The following GRK3 variants were observed in gnomAD, a reference collection of about 807,000 sequenced individuals.
GRK3 encodes G protein-coupled receptor kinase 3.
GRK3 carries 54 observed loss-of-function variants against 95.7 expected under a neutral mutation model. That is an observed-to-expected ratio of 0.56 (90% CI 0.45 to 0.71). GRK3 has a LOEUF of 0.71. Ranked by LOEUF, GRK3 falls within the 30% of genes least tolerant of loss-of-function variation. The pLI is 0.00. For missense variants in GRK3, 649 were observed against 851.2 expected (o/e 0.76, Z 2.96); for synonymous variants, 281 against 290.8 (o/e 0.97, Z 0.34).
At chr22:25,621,834 A>G (rs2084588254) in intron 2 of GRK3, among the ~76,000 whole-genome samples, 2 of 152,158 alleles carry the variant, frequency 1.3e-5, no homozygotes. Context: ...CAGACCTGTT[A>G]GAAAGTGACA....
intron 1 of GRK3, among the ~76,000 whole-genome samples, chr22:25,588,536 A>G (rs1369220426): frequency 4.6e-5 from 7 of 152,328 alleles, no homozygotes; most frequent in South Asian, 2.1e-4. Context: ...GGTGGAGTTT[A>G]GTGGTTTTAA....
At position 25,725,543 on chromosome 22, in the gene GRK3, T is replaced by A. The variant is rs114800857; in HGVS notation, c.*3093T>A. 9.4e-4 allele frequency: 376 copies of A among 398,604 alleles called. 2 individuals carry two copies. Among genetic ancestry groups the A allele is most frequent in the African/African-American group, 7.2e-3 (353 of 48,744 alleles). 24.7% of individuals were successfully genotyped at this position (398,604 alleles called of 1,614,324 possible). A position where few individuals can be genotyped will look rare whatever the true frequency, so the allele number is the denominator to read the frequency against. Reference sequence around the variant, plus strand: ...CTTCTTTGTCATATTTAAGTATGATTTTTCAACAAAACTTCTAGAAGTCAG... The same window carrying A: ...CTTCTTTGTCATATTTAAGTATGATATTTCAACAAAACTTCTAGAAGTCAG... On this transcript the variant is annotated 3_prime_UTR_variant, in exon 21 of 21. Transcript: ENST00000324198.
intron 10 of GRK3, 93 bp from the exon 11 acceptor site, chr22:25,687,443 CT>C (rs2085124743): frequency 2.2e-6 from 3 of 1,369,856 alleles, no homozygotes; most frequent in East Asian, 2.4e-5. Flanking sequence ...CATAGTTTCC[CT>C]TTTTCTGCTG....
chr22:25,616,993 G>T (rs922847744), intron 2 of GRK3, among the ~76,000 whole-genome samples: 9 of 152,172 alleles, frequency 5.9e-5, no homozygotes, highest in African/African-American at 2.2e-4. Context: ...TTTGCTAGAT[G>T]AACAGAGAAG....
intron 20 of GRK3, 104 bp downstream of exon 20, chr22:25,721,501 A>G (rs571164817): frequency 9.5e-4 from 652 of 687,650 alleles, no homozygotes; most frequent in South Asian, 1.6e-3. Flanking sequence ...TTTATCACTT[A>G]CAAACTTAGT....
At chr22:25,645,920 CAAAAAA>C (rs553003120) in intron 3 of GRK3, among the ~76,000 whole-genome samples, 1 of 116,480 alleles carries the variant, frequency 8.6e-6, no homozygotes, top group African/African-American at 3.1e-5. Context: ...GACTCCATCT[CAAAAAA>C]AAAAAAAAGA....
intron 2 of GRK3, among the ~76,000 whole-genome samples, chr22:25,638,543 T>G (rs1944365849): frequency 6.6e-6 from 1 of 152,192 alleles, no homozygotes; most frequent in South Asian, 2.1e-4. Flanking sequence ...TGGGATGACT[T>G]GAATCATTAC....
chr22:25,665,864 C>G (rs1019146014), intron 5 of GRK3, among the ~76,000 whole-genome samples: 1 of 152,104 alleles, frequency 6.6e-6, no homozygotes, highest in Non-Finnish European at 1.5e-5. Context: ...TGTAAGATTG[C>G]CTTTAGAGGT....
At chr22:25,653,909 G>A (rs896400618) in intron 3 of GRK3, among the ~76,000 whole-genome samples, 5 of 152,056 alleles carry the variant, frequency 3.3e-5, no homozygotes, top group East Asian at 1.9e-4. Context: ...GCCTGGTCTC[G>A]AACTCCTGAC....
rs747886645 is a variant in GRK3, at chr22:25,687,631, C to T, written c.921C>T (p.His307=). 18 of 1,614,028 alleles carry T rather than the reference C, an allele frequency of 1.1e-5. No homozygotes were observed. The Admixed American group carries it at 2.8e-4, about 25-fold the overall frequency. The change falls in exon 11 of 21, where the codon CAC becomes CAT. Residue 307 remains histidine (H), a synonymous_variant. Transcript: ENST00000324198. ...YATEIILGLE[H]MHNRFVVYRD... Reference sequence around the variant, plus strand: ...CTGAAATCATTCTGGGTCTGGAACACATGCACAATCGGTTTGTTGTCTACA... The same window carrying T: ...CTGAAATCATTCTGGGTCTGGAACATATGCACAATCGGTTTGTTGTCTACA...
At chr22:25,620,458 G>A (rs6004722) in intron 2 of GRK3, among the ~76,000 whole-genome samples, 62 of 152,274 alleles carry the variant, frequency 4.1e-4, no homozygotes, top group African/African-American at 1.5e-3. Flanking sequence ...CTAATTGCCT[G>A]CATTTGCATA....
chr22:25,706,209 A>T (rs2085298458), intron 15 of GRK3, among the ~76,000 whole-genome samples: 1 of 152,212 alleles, frequency 6.6e-6, no homozygotes, highest in Non-Finnish European at 1.5e-5. Context: ...TAATTTCTTA[A>T]AAGTAGAACC....
At chr22:25,702,810 G>T in intron 13 of GRK3, 1 of 455,990 alleles carries the variant, frequency 2.2e-6, no homozygotes, top group Non-Finnish European at 4.4e-6. Context: ...CACTGCTTCT[G>T]TGAAGTATGC....
chr22:25,624,101 G>A (rs5761144), intron 2 of GRK3, among the ~76,000 whole-genome samples: 4 of 152,094 alleles, frequency 2.6e-5, no homozygotes, highest in African/African-American at 4.8e-5. Flanking sequence ...CAGGTACCCA[G>A]AACTTGCCTC....
chr22:25,598,141 T>C (rs2084384855), intron 1 of GRK3, among the ~76,000 whole-genome samples: 2 of 152,256 alleles, frequency 1.3e-5, no homozygotes, highest in South Asian at 2.1e-4. Flanking sequence ...GAATAAAGCA[T>C]ATGACAATAA....
chr22:25,591,482 C>T (rs895946427), intron 1 of GRK3, among the ~76,000 whole-genome samples: 6 of 152,092 alleles, frequency 3.9e-5, no homozygotes. Flanking sequence ...AAAGTCTTAA[C>T]CCTCTAGTCA....
intron 11 of GRK3, among the ~76,000 whole-genome samples, chr22:25,689,568 A>T (rs1275953640): frequency 6.6e-6 from 1 of 152,200 alleles, no homozygotes; most frequent in Non-Finnish European, 1.5e-5. Flanking sequence ...CATGATTATG[A>T]TGACTAAATC....
intron 1 of GRK3, among the ~76,000 whole-genome samples, chr22:25,573,235 A>G (rs1181176922): frequency 6.6e-6 from 1 of 152,170 alleles, no homozygotes; most frequent in Non-Finnish European, 1.5e-5. Flanking sequence ...TACTGAGCTG[A>G]GTAAGAATAT....
chr22:25,623,003 G>A lies in GRK3; in HGVS notation c.190+18550G>A, dbSNP rs556158533. 4.9e-4 allele frequency among the ~76,000 whole-genome samples: 74 copies of A among 152,228 alleles called. 1 individual carries two copies. The highest frequency in any genetic ancestry group is 1.7e-3 in the African/African-American group (69 of 41,518). On this transcript the variant is annotated intron_variant, in intron 2 of 20. Transcript: ENST00000324198. ...GTCACCCAGGCTGGAGGGCGGTGGC[G>A]CGATCTTGGCTCACTGCAACCTTTG... is the stretch of plus-strand genomic sequence containing the variant.
Sources: gnomAD v4.1 joint callset for allele counts (sites outside exome capture counted in the v4.1 genomes callset) on GRCh38, gnomAD v4.1.1 for gene constraint, MANE v1.5 for transcripts, NCBI Gene and HGNC (gene_info 2026-07-23, HGNC 2026-07-21) for gene names.